MYO3A: variants seen among roughly 807,000 people sequenced by gnomAD.
The protein encoded by MYO3A is myosin IIIA.
Under a neutral mutation model 192.7 loss-of-function variants are expected in MYO3A, and 180 were observed. The ratio of observed to expected loss-of-function variants is 0.93; its 90% CI spans 0.83 to 1.06. The LOEUF (loss-of-function observed/expected upper bound fraction) is 1.06, where lower values mean the gene tolerates loss of function less well. Among genes scored for constraint, MYO3A ranks in the 50% least tolerant of loss-of-function variants. The pLI is 0.00. For missense variants in MYO3A, 1,896 were observed against 1,905.0 expected (o/e 1.00, Z 0.09); for synonymous variants, 628 against 645.3 (o/e 0.97, Z 0.41).
Position 26,139,680 on chromosome 10 carries a change from A to T in MYO3A, c.2263-3768A>T, listed in dbSNP as rs181695840. Among the ~76,000 whole-genome samples the T allele has an allele frequency of 1.2e-4, 18 of 152,066 alleles. 2 individuals carry two copies. Among genetic ancestry groups the T allele is most frequent in the Admixed American group, 1.2e-3 (18 of 15,282 alleles). On this transcript the variant is annotated intron_variant, in intron 20 of 34. Coordinates refer to ENST00000642920, the MANE Select transcript of MYO3A (RefSeq NM_017433.5). ...GCCAAGGTTGGGGTGCGGTGGGGGA[A>T]TCATTTGAGGTCAGGCGTTTGAGAC...
intron 32 of MYO3A, among the ~76,000 whole-genome samples, chr10:26,195,235 T>A (rs1180667588): frequency 6.6e-6 from 1 of 152,212 alleles, no homozygotes; most frequent in Admixed American, 6.5e-5. Context: ...ACCAGTAATC[T>A]GACTATTACC....
chr10:26,006,299 C>A (rs2130965218), intron 6 of MYO3A, among the ~76,000 whole-genome samples: 1 of 151,912 alleles, frequency 6.6e-6, no homozygotes, highest in African/African-American at 2.4e-5. Context: ...AAATTGACAC[C>A]CTAACATCAC....
chr10:26,095,084 G>A (rs1355044448), intron 15 of MYO3A, among the ~76,000 whole-genome samples: 3 of 152,174 alleles, frequency 2.0e-5, no homozygotes, highest in Non-Finnish European at 2.9e-5. Flanking sequence ...TGGGTGTGAT[G>A]AGTTGAGGAC....
intron 21 of MYO3A, 111 bp downstream of exon 21, chr10:26,143,712 C>T: frequency 7.5e-7 from 1 of 1,337,358 alleles, no homozygotes; most frequent in Non-Finnish European, 1.1e-6. Flanking sequence ...TGTCACAAAG[C>T]CTGCATATTT....
At chr10:26,210,836 A>G (rs1157745891) in intron 34 of MYO3A, among the ~76,000 whole-genome samples, 1 of 151,982 alleles carries the variant, frequency 6.6e-6, no homozygotes, top group African/African-American at 2.4e-5. Flanking sequence ...TGCAGCCTTT[A>G]CATTGCTTGA....
chr10:26,125,268 T>G, intron 18 of MYO3A, 130 bp from the exon 19 acceptor site: 1 of 871,882 alleles, frequency 1.1e-6, no homozygotes, highest in Non-Finnish European at 1.9e-6. Flanking sequence ...TAGTATCATA[T>G]TTTTACATTA....
At chr10:26,190,706 A>C (rs947502092) in intron 31 of MYO3A, among the ~76,000 whole-genome samples, 1 of 152,226 alleles carries the variant, frequency 6.6e-6, no homozygotes, top group African/African-American at 2.4e-5. Flanking sequence ...ATAATGCTTA[A>C]TGATGAAGGG....
At chr10:26,104,091 C>G (rs1837639535) in intron 17 of MYO3A, among the ~76,000 whole-genome samples, 1 of 149,508 alleles carries the variant, frequency 6.7e-6, no homozygotes, top group Non-Finnish European at 1.5e-5. Flanking sequence ...GGTATACTAG[C>G]CCCTTATCAG....
intron 9 of MYO3A, among the ~76,000 whole-genome samples, chr10:26,025,354 A>G (rs975528340): frequency 6.6e-6 from 1 of 151,836 alleles, no homozygotes; most frequent in Non-Finnish European, 1.5e-5. Flanking sequence ...TCCCCAAATG[A>G]CAGCCCAGTT....
intron 17 of MYO3A, among the ~76,000 whole-genome samples, chr10:26,099,095 G>A (rs1275301368): frequency 1.3e-5 from 2 of 152,134 alleles, no homozygotes; most frequent in East Asian, 1.9e-4. Context: ...TTGAGCAGTG[G>A]TTTGTAGTTC....
At chr10:26,052,968 G>A (rs934059124) in intron 10 of MYO3A, among the ~76,000 whole-genome samples, 1 of 152,014 alleles carries the variant, frequency 6.6e-6, no homozygotes, top group African/African-American at 2.4e-5. Context: ...CAGAGTAAAT[G>A]AAAAATATAA....
At chr10:26,039,711 G>A (rs1025916524) in intron 10 of MYO3A, among the ~76,000 whole-genome samples, 1 of 151,922 alleles carries the variant, frequency 6.6e-6, no homozygotes, top group Non-Finnish European at 1.5e-5. Context: ...GAATTTCTGT[G>A]GTATCAGTTG....
intron 17 of MYO3A, among the ~76,000 whole-genome samples, chr10:26,109,354 T>C (rs988404105): frequency 2.6e-5 from 4 of 152,212 alleles, no homozygotes; most frequent in African/African-American, 9.6e-5. Flanking sequence ...AGTTTGAAAA[T>C]ATTAAACAGA....
chr10:26,202,257 T>C (rs548954246), intron 33 of MYO3A, among the ~76,000 whole-genome samples: 10 of 152,292 alleles, frequency 6.6e-5, no homozygotes, highest in African/African-American at 2.2e-4. Flanking sequence ...ATCCTGAAAG[T>C]CCTTTTTAGA....
rs745460781 is a variant in MYO3A at position 26,143,508 on chromosome 10, C to A, written c.2323C>A (p.Leu775Ile). ...RVIEYEDNWP[L>I]LDMFLQKPMG... ...TATTGAATATGAGGATAACTGGCCCCTCTTAGATATGTTTCTGCAAAAGCC... is the reference window on the plus strand; with the variant it reads ...TATTGAATATGAGGATAACTGGCCCATCTTAGATATGTTTCTGCAAAAGCC... The change falls in exon 21 of 35, where the codon CTC (leucine) becomes ATC (isoleucine). Residue 775 changes from leucine (L) to isoleucine (I), a missense_variant. Transcript: ENST00000642920. 3.1e-6 allele frequency: 5 copies of A among 1,613,490 alleles called. No homozygotes were observed. In the African/African-American group the frequency reaches 6.7e-5, roughly 22 times the overall value.
chr10:25,987,081 A>G (rs1839699909), intron 4 of MYO3A, among the ~76,000 whole-genome samples: 1 of 152,148 alleles, frequency 6.6e-6, no homozygotes, highest in African/African-American at 2.4e-5. Context: ...ATTGACCTTC[A>G]ACAAAGCAAA....
chr10:26,199,053 T>C (rs538428343), intron 32 of MYO3A, among the ~76,000 whole-genome samples: 1 of 152,330 alleles, frequency 6.6e-6, no homozygotes, highest in Admixed American at 6.5e-5. Context: ...TAGAGGTTAA[T>C]GCATCGTGCT....
At chr10:26,132,872 AC>A (rs1420942747) in intron 20 of MYO3A, among the ~76,000 whole-genome samples, 1 of 152,086 alleles carries the variant, frequency 6.6e-6, no homozygotes, top group Non-Finnish European at 1.5e-5. Flanking sequence ...AATGTGTATG[AC>A]TCTCATCTCC....
chr10:26,174,011 T>C lies in MYO3A; in HGVS notation c.3747T>C (p.Asn1249=). 5 of 1,611,536 alleles carry C rather than the reference T, an allele frequency of 3.1e-6. No homozygotes were observed. The highest frequency in any genetic ancestry group is 3.4e-6 in the Non-Finnish European group (4 of 1,179,398). ...ATCAGAGGTACACAGAGGAGAGGAA[T>C]TGTGAAGAGTCAAAAGCAGCATATC... ...SYYQRYTEER[N]CEESKAAYLE... Residue 1249 remains asparagine, a synonymous_variant, in exon 30 of 35, where the codon AAT becomes AAC. Transcript: ENST00000642920.
Sources: allele counts gnomAD v4.1 joint callset (sites outside exome capture counted in the v4.1 genomes callset), GRCh38; gene constraint gnomAD v4.1.1; transcripts MANE v1.5; gene names NCBI Gene and HGNC (gene_info 2026-07-23, HGNC 2026-07-21).